RALGAPA1: variants seen among roughly 807,000 people sequenced by gnomAD.
The protein encoded by RALGAPA1 is ral GTPase-activating protein subunit alpha-1.
Under a neutral mutation model 269.6 loss-of-function variants are expected in RALGAPA1, and 52 were observed. The ratio of observed to expected loss-of-function variants is 0.19; its 90% confidence interval spans 0.15 to 0.24. RALGAPA1 has a LOEUF of 0.24. Among genes scored for constraint, RALGAPA1 ranks in the 10% least tolerant of loss-of-function variants. The pLI is 1.00. For synonymous variants in RALGAPA1, 817 were observed against 1,008.3 expected (o/e 0.81, Z 3.60); for missense variants, 1,917 against 3,013.9 (o/e 0.64, Z 8.52).
chr14:35,734,105 A>G (rs2070757300), intron 12 of RALGAPA1, among the ~76,000 whole-genome samples: 1 of 152,206 alleles, frequency 6.6e-6, no homozygotes, highest in African/African-American at 2.4e-5. Flanking sequence ...GGTAAAATCA[A>G]TATTGTGAAA....
intron 31 of RALGAPA1, among the ~76,000 whole-genome samples, chr14:35,651,240 T>C (rs2062811062): frequency 6.6e-6 from 1 of 151,992 alleles, no homozygotes; most frequent in Non-Finnish European, 1.5e-5. Flanking sequence ...ATGTATATAA[T>C]TGATGAAGAA....
intron 15 of RALGAPA1, among the ~76,000 whole-genome samples, chr14:35,722,368 T>C (rs1307449917): frequency 1.3e-5 from 2 of 152,130 alleles, no homozygotes; most frequent in Admixed American, 1.3e-4. Context: ...TCCCAGCACT[T>C]TGGGAGGTGG....
At chr14:35,684,174 C>T (rs989603089) in intron 20 of RALGAPA1, among the ~76,000 whole-genome samples, 189 bp from the exon 21 acceptor site, 1 of 152,116 alleles carries the variant, frequency 6.6e-6, no homozygotes, top group African/African-American at 2.4e-5. Context: ...GTGTACAAGC[C>T]ATGAAGGGAG....
chr14:35,701,722 A>G (rs1595207162), intron 16 of RALGAPA1, among the ~76,000 whole-genome samples: 1 of 151,964 alleles, frequency 6.6e-6, no homozygotes, highest in African/African-American at 2.4e-5. Context: ...GCTTGCTGCA[A>G]CCCTGAACTC....
At chr14:35,783,309 G>GA (rs2075577977) in intron 1 of RALGAPA1, among the ~76,000 whole-genome samples, 10 of 148,328 alleles carry the variant, frequency 6.7e-5, no homozygotes, top group East Asian at 2.0e-4. Context: ...GGAAAAGGAG[G>GA]GAAAAAAAAA....
At chr14:35,697,386 G>A (rs1481352104) in intron 17 of RALGAPA1, among the ~76,000 whole-genome samples, 2 of 151,232 alleles carry the variant, frequency 1.3e-5, no homozygotes, top group Non-Finnish European at 2.9e-5. Context: ...TTGCTCTGTC[G>A]CCCAGGCTGG....
chr14:35,610,499 G>C (rs758210778), intron 35 of RALGAPA1, among the ~76,000 whole-genome samples: 2 of 151,996 alleles, frequency 1.3e-5, no homozygotes, highest in Non-Finnish European at 2.9e-5. Context: ...AGCCAGGATG[G>C]TTTTGATCTC....
intron 37 of RALGAPA1, among the ~76,000 whole-genome samples, chr14:35,584,710 T>C (rs1001240399): frequency 6.7e-6 from 1 of 148,220 alleles, no homozygotes; most frequent in African/African-American, 2.6e-5. Context: ...GGGAATCATA[T>C]AAAATGCTCA....
At chr14:35,600,467 A>G (rs2059229497) in intron 36 of RALGAPA1, among the ~76,000 whole-genome samples, 1 of 151,972 alleles carries the variant, frequency 6.6e-6, no homozygotes, top group Non-Finnish European at 1.5e-5. Context: ...TCCTGGCTCA[A>G]GCAATCTCCA....
Position 35,683,941 on chromosome 14 carries a change from C to T in RALGAPA1, c.4339G>A (p.Val1447Met). The change falls in exon 21 of 42, where the codon GTG (valine) becomes ATG (methionine). Residue 1447 changes from valine to methionine, a missense_variant. Coordinates refer to ENST00000680220, the MANE Select transcript of RALGAPA1 (RefSeq NM_001346249.2). Reference sequence around the variant, plus strand: ...TGATGATGGCCAGAACCTGAATCCACATCAGCAGAGGACGTAACCCCAGTG... The same window carrying T: ...TGATGATGGCCAGAACCTGAATCCATATCAGCAGAGGACGTAACCCCAGTG... The part of the protein sequence containing the change: ...TDTGVTSSAD[V>M]DSGSGHHQSA... 6.2e-7 allele frequency: 1 copy of T among 1,613,436 alleles called. No individual in the cohort carries two copies. Among genetic ancestry groups the T allele is most frequent in the Non-Finnish European group, 8.5e-7 (1 of 1,179,644 alleles).
In RALGAPA1 at chr14:35,750,466, C is replaced by T; in HGVS notation, c.1011+16G>A. On this transcript the variant is annotated intron_variant, in intron 9 of 41. Transcript: ENST00000680220. Reference sequence around the variant, plus strand: ...CCATTTCTAACTTTAACAGGCCTGCCTCATTTGTGCATTACCTGAATATTC... The same window carrying T: ...CCATTTCTAACTTTAACAGGCCTGCTTCATTTGTGCATTACCTGAATATTC... 1.2e-6 allele frequency: 2 copies of T among 1,606,780 alleles called. No individual in the cohort carries two copies. The highest frequency in any genetic ancestry group is 1.7e-5 in the Admixed American group (1 of 59,768).
intron 1 of RALGAPA1, among the ~76,000 whole-genome samples, chr14:35,784,599 G>C (rs1367931821): frequency 6.6e-6 from 1 of 151,920 alleles, no homozygotes; most frequent in African/African-American, 2.4e-5. Flanking sequence ...GACCCTACCT[G>C]GCTAACTGAA....
chr14:35,554,788 T>C (rs557989274), intron 39 of RALGAPA1, among the ~76,000 whole-genome samples: 2 of 152,346 alleles, frequency 1.3e-5, no homozygotes, highest in East Asian at 3.9e-4. Flanking sequence ...ATCCATTTTG[T>C]GGTTACAGAT....
chr14:35,727,310 C>CATAT (rs34288628), intron 13 of RALGAPA1, among the ~76,000 whole-genome samples: 5,306 of 104,260 alleles, frequency 0.051, 190 homozygotes, highest in Middle Eastern at 0.061. Flanking sequence ...AAAATTATGG[C>CATAT]ATATATATAT....
At chr14:35,697,037 ACT>A (rs1376315237) in intron 17 of RALGAPA1, among the ~76,000 whole-genome samples, 1 of 151,966 alleles carries the variant, frequency 6.6e-6, no homozygotes, top group East Asian at 1.9e-4. Flanking sequence ...TATTTTTACA[ACT>A]CTCTATTCTT....
At chr14:35,663,427 AC>A (rs2063685803) in intron 27 of RALGAPA1, among the ~76,000 whole-genome samples, 1 of 151,872 alleles carries the variant, frequency 6.6e-6, no homozygotes, top group African/African-American at 2.4e-5. Flanking sequence ...TTTAAAAAAA[AC>A]AAAAACAAAA....
intron 1 of RALGAPA1, among the ~76,000 whole-genome samples, chr14:35,799,555 C>T (rs2076825074): frequency 6.9e-6 from 1 of 143,936 alleles, no homozygotes; most frequent in Non-Finnish European, 1.5e-5. Flanking sequence ...GAGCGAGACT[C>T]GGTCCCAGAA....
At chr14:35,684,614 A>G (rs534598817) in intron 20 of RALGAPA1, among the ~76,000 whole-genome samples, 2 of 152,294 alleles carry the variant, frequency 1.3e-5, no homozygotes, top group South Asian at 4.1e-4. Context: ...GCTTCAACTT[A>G]AGGTGATTCC....
intron 35 of RALGAPA1, among the ~76,000 whole-genome samples, chr14:35,607,674 C>T (rs1055165175): frequency 9.9e-5 from 15 of 152,126 alleles, no homozygotes; most frequent in African/African-American, 3.6e-4. Context: ...ATAGGTTTTG[C>T]CTAAGGTGAA....
Sources: gnomAD v4.1 joint callset for allele counts (sites outside exome capture counted in the v4.1 genomes callset) on GRCh38, gnomAD v4.1.1 for gene constraint, MANE v1.5 for transcripts, NCBI Gene and HGNC (gene_info 2026-07-23, HGNC 2026-07-21) for gene names.